The following PLAUR variants were observed in gnomAD, a reference collection of about 807,000 sequenced individuals.
PLAUR encodes the protein plasminogen activator, urokinase receptor, also known as urokinase plasminogen activator surface receptor.
In PLAUR, 22 loss-of-function variants were observed where a neutral mutation model predicts 33.4. The observed-to-expected ratio is 0.66, with a 90% CI of 0.47 to 0.94. The LOEUF (loss-of-function observed/expected upper bound fraction) is 0.94, where lower values mean the gene tolerates loss of function less well. Ranked by LOEUF, PLAUR falls within the 40% of genes least tolerant of loss-of-function variation. PLAUR has a pLI of 0.00. For missense variants in PLAUR, 408 were observed against 434.7 expected, an observed-to-expected ratio of 0.94 and a Z score of 0.55; for synonymous variants, 148 against 167.3, an observed-to-expected ratio of 0.88 and a Z score of 0.89.
intron 1 of PLAUR, chr19:43,668,300 C>G: frequency 3.0e-6 from 3 of 986,662 alleles, no homozygotes; most frequent in Non-Finnish European, 3.6e-6. Flanking sequence ...GAAGTTCTGT[C>G]TCCGCCCTCC....
chr19:43,647,469 T>C (rs4251938), downstream of PLAUR, among the ~76,000 whole-genome samples: 23,817 of 152,142 alleles, frequency 0.16, 2,148 homozygotes, highest in African/African-American at 0.24. Context: ...GACTAGAAGG[T>C]TAGTGTTCAG....
chr19:43,651,543 T>C (rs1016819751), intron 6 of PLAUR, among the ~76,000 whole-genome samples: 4 of 151,930 alleles, frequency 2.6e-5, no homozygotes, highest in Non-Finnish European at 4.4e-5. Flanking sequence ...CAAGTGATTC[T>C]CGTGCCTCAG....
At chr19:43,653,244 A>G (rs1258236119) in intron 5 of PLAUR, among the ~76,000 whole-genome samples, 1 of 152,218 alleles carries the variant, frequency 6.6e-6, no homozygotes, top group Non-Finnish European at 1.5e-5. Context: ...CACTGACCAC[A>G]TACAGTGGTG....
chr19:43,655,660 C>A, intron 4 of PLAUR, 87 bp from the exon 5 acceptor site: 1 of 1,217,772 alleles, frequency 8.2e-7, no homozygotes. Flanking sequence ...GGCATTCAAC[C>A]ATTCTCTACT....
In PLAUR at chr19:43,648,792, T is replaced by C. The variant is rs924218582; in HGVS notation, c.*98A>G. On this transcript the variant is annotated 3_prime_UTR_variant, in exon 7 of 7. Transcript: ENST00000340093. ...CTGAGGCCCAGAGAGGTCGGCACAC[T>C]GGCCTGAGGTCACACAGCAAGTCTG... 8 of 1,310,722 alleles carry C rather than the reference T, an allele frequency of 6.1e-6. No individual in the cohort carries two copies. Among genetic ancestry groups the C allele is most frequent in the Non-Finnish European group, 8.5e-6 (8 of 943,810 alleles). The allele number at this position is 1,310,722 out of a possible 1,614,324, so 81.2% of individuals were successfully genotyped here.
intron 4 of PLAUR, among the ~76,000 whole-genome samples, chr19:43,656,269 T>C (rs1388691740): frequency 7.3e-6 from 1 of 137,628 alleles, no homozygotes; most frequent in African/African-American, 2.8e-5. Context: ...AATAAATAAA[T>C]AAATAAATAA....
chr19:43,666,565 CCTTT>C (rs752857990), intron 2 of PLAUR, among the ~76,000 whole-genome samples: 81 of 137,064 alleles, frequency 5.9e-4, no homozygotes, highest in Middle Eastern at 3.6e-3. Context: ...CTCTTCCTTT[CCTTT>C]CTTTCTTTCT....
At chr19:43,659,152 T>TTTCTC (rs1568558900) in intron 3 of PLAUR, among the ~76,000 whole-genome samples, 1 of 90,480 alleles carries the variant, frequency 1.1e-5, no homozygotes, top group Non-Finnish European at 2.2e-5. Context: ...GCTATTTTCC[T>TTTCTC]TTTTCTTTTC....
intron 5 of PLAUR, 101 bp downstream of exon 5, chr19:43,655,338 C>T: frequency 8.9e-7 from 1 of 1,121,678 alleles, no homozygotes. Context: ...CAAACAGAGG[C>T]CCAGAGAGGA....
At chr19:43,668,491 T>A (rs921291853) in intron 1 of PLAUR, among the ~76,000 whole-genome samples, 8 of 146,036 alleles carry the variant, frequency 5.5e-5, no homozygotes, top group African/African-American at 2.1e-4. Context: ...GATTCTAACT[T>A]CGCCCTTTAG....
downstream of PLAUR, chr19:43,646,373 T>A: frequency 5.8e-6 from 4 of 688,794 alleles, no homozygotes; most frequent in South Asian, 6.3e-5. Context: ...TGGGGCTACA[T>A]GTCCAAGGTG....
Position 43,663,826 on chromosome 19 carries a change from C to CA in PLAUR, c.310+1489dup, listed in dbSNP as rs111463069. On this transcript the variant is annotated intron_variant, in intron 3 of 6. Coordinates refer to ENST00000340093, the MANE Select transcript of PLAUR (RefSeq NM_002659.4). Reference sequence around the variant, plus strand: ...AAAAAAAAACAAAAACAAAAGGAAACAAAAAAAAAAAGAAAGAAAAAAGAA... The same window carrying CA: ...AAAAAAAAACAAAAACAAAAGGAAACAAAAAAAAAAAAGAAAGAAAAAAGAA... 9.6e-3 allele frequency among the ~76,000 whole-genome samples: 1,273 copies of CA among 132,648 alleles called. 15 individuals carry two copies. The highest frequency in any genetic ancestry group is 0.03 in the Admixed American group (395 of 13,334). 87.0% of individuals were successfully genotyped at this position (132,648 alleles called of 152,430 possible). A position where few individuals can be genotyped will look rare whatever the true frequency, so the allele number is the denominator to read the frequency against.
chr19:43,649,762 A>C (rs1449000719), intron 6 of PLAUR, among the ~76,000 whole-genome samples: 1 of 152,074 alleles, frequency 6.6e-6, no homozygotes, highest in Non-Finnish European at 1.5e-5. Context: ...AAAAGAAAGA[A>C]AGGAAGCGAG....
intron 5 of PLAUR, 23 bp downstream of exon 5, chr19:43,655,416 T>A: frequency 6.2e-7 from 1 of 1,613,128 alleles, no homozygotes; most frequent in Non-Finnish European, 8.5e-7. Context: ...CCCCAGGCCT[T>A]GCCTGTGTCT....
Position 43,652,206 on chromosome 19 carries a change from G to C in PLAUR, c.754+19C>G, listed in dbSNP as rs1974022140. 1 of 1,613,204 alleles carries C rather than the reference G, an allele frequency of 6.2e-7. No individual in the cohort carries two copies. The highest frequency in any genetic ancestry group is 1.1e-5 in the South Asian group (1 of 91,040). Reference sequence around the variant, plus strand: ...CACCCCCAATAAGTGTTCCCTCCCAGCCTCGGAGAGGGCCTCACCGTGAGT... The same window carrying C: ...CACCCCCAATAAGTGTTCCCTCCCACCCTCGGAGAGGGCCTCACCGTGAGT... On this transcript the variant is annotated intron_variant, in intron 6 of 6. Transcript: ENST00000340093.
chr19:43,649,370 CAT>C (rs1182404233), intron 6 of PLAUR, among the ~76,000 whole-genome samples: 3 of 151,926 alleles, frequency 2.0e-5, no homozygotes, highest in African/African-American at 7.3e-5. Flanking sequence ...GCCTGGACAA[CAT>C]AGCAAAACTC....
At chr19:43,662,292 T>G (rs1313333371) in intron 3 of PLAUR, among the ~76,000 whole-genome samples, 1 of 152,014 alleles carries the variant, frequency 6.6e-6, no homozygotes, top group African/African-American at 2.4e-5. Flanking sequence ...GGTCAAGAGT[T>G]CGAGACCAGC....
rs374734050 is a variant in PLAUR, at chr19:43,648,869, G to A, written c.*21C>T. On this transcript the variant is annotated 3_prime_UTR_variant, in exon 7 of 7. Transcript: ENST00000340093. ...AAGGGGTCCCCCGGATCCAGCCAGG[G>A]CAGAGAGGGGGATTTCAGGTTTAGG... 1 of 1,604,744 alleles carries A rather than the reference G, an allele frequency of 6.2e-7. No homozygotes were observed. Among genetic ancestry groups the A allele is most frequent in the African/African-American group, 1.3e-5 (1 of 74,786 alleles).
At chr19:43,663,796 A>G (rs1424870165) in intron 3 of PLAUR, among the ~76,000 whole-genome samples, 1 of 149,792 alleles carries the variant, frequency 6.7e-6, no homozygotes, top group African/African-American at 2.5e-5. Flanking sequence ...GAACAAACAA[A>G]CAAAAAAAAA....
Sources: allele counts gnomAD v4.1 joint callset (sites outside exome capture counted in the v4.1 genomes callset), GRCh38; gene constraint gnomAD v4.1.1; transcripts MANE v1.5; gene names NCBI Gene and HGNC (gene_info 2026-07-23, HGNC 2026-07-21).